PCSK1: variants seen among roughly 807,000 people sequenced by gnomAD.
The protein encoded by PCSK1 is neuroendocrine convertase 1.
Under a neutral mutation model 90.6 loss-of-function variants are expected in PCSK1, and 56 were observed. The ratio of observed to expected loss-of-function variants is 0.62; its 90% CI spans 0.50 to 0.77. The LOEUF (loss-of-function observed/expected upper bound fraction) is 0.77, where lower values mean the gene tolerates loss of function less well. PCSK1 is among the 30% of genes least tolerant of loss of function. PCSK1 has a pLI of 0.00. For missense variants in PCSK1, 801 were observed against 932.6 expected, an observed-to-expected ratio of 0.86 and a Z score of 1.84; for synonymous variants, 348 against 342.4, an observed-to-expected ratio of 1.02 and a Z score of -0.18.
At chr5:96,429,781 G>A (rs960329903) in intron 1 of PCSK1, among the ~76,000 whole-genome samples, 3 of 152,130 alleles carry the variant, frequency 2.0e-5, no homozygotes, top group Admixed American at 1.3e-4. Context: ...CATGAAGAAG[G>A]CACTGATAGA....
intron 6 of PCSK1, among the ~76,000 whole-genome samples, chr5:96,414,064 G>A (rs542602412): frequency 4.5e-4 from 68 of 149,746 alleles, no homozygotes; most frequent in South Asian, 1.7e-3. Flanking sequence ...GCATGAACCC[G>A]GGAGGCGGAG....
chr5:96,423,933 G>T (rs1178090470), intron 3 of PCSK1, among the ~76,000 whole-genome samples: 1 of 152,186 alleles, frequency 6.6e-6, no homozygotes, highest in East Asian at 1.9e-4. Flanking sequence ...GCAGAACCTG[G>T]AATGCTCAGG....
At chr5:96,413,756 C>T (rs1760846687) in intron 6 of PCSK1, among the ~76,000 whole-genome samples, 1 of 142,080 alleles carries the variant, frequency 7.0e-6, no homozygotes. Flanking sequence ...GCTAAGATTG[C>T]AACCACTGCA....
chr5:96,412,702 C>CT (rs1178344646), intron 6 of PCSK1, among the ~76,000 whole-genome samples: 1 of 146,488 alleles, frequency 6.8e-6, no homozygotes, highest in Non-Finnish European at 1.5e-5. Flanking sequence ...TTTTGTCGCA[C>CT]TTTAGAGATA....
Position 96,397,351 on chromosome 5 carries a change from C to G in PCSK1, c.1707G>C (p.Leu569Phe), listed in dbSNP as rs1471131685. The change falls in exon 12 of 14, where the codon TTG becomes TTC. Residue 569 changes from leucine (L) to phenylalanine (F), a missense_variant. Physicochemically the swap from Leu to Phe is conservative, Grantham distance 22. Transcript: ENST00000311106. ...WGENPIGTWT[L>F]RITDMSGRIQ... ...TCACACTTACCATGTCTGTAATTCT[C>G]AAAGTCCAAGTACCTATAGGGTTCT... The G allele has an allele frequency of 2.5e-6, 4 of 1,613,070 alleles. No individual in the cohort carries two copies. The highest frequency in any genetic ancestry group is 3.4e-6 in the Non-Finnish European group (4 of 1,179,208).
chr5:96,395,274 T>A (rs559118773), intron 12 of PCSK1, among the ~76,000 whole-genome samples: 1 of 152,236 alleles, frequency 6.6e-6, no homozygotes, highest in Non-Finnish European at 1.5e-5. Context: ...TAAGTCTTCT[T>A]TTCCATATTG....
intron 3 of PCSK1, among the ~76,000 whole-genome samples, chr5:96,425,055 A>AG (rs1327920200): frequency 7.5e-6 from 1 of 133,936 alleles, no homozygotes; most frequent in African/African-American, 2.7e-5. Context: ...AAAGAAAGAA[A>AG]GAAAGAAAGA....
intron 3 of PCSK1, among the ~76,000 whole-genome samples, chr5:96,424,961 CAAA>C (rs58930420): frequency 1.1e-5 from 1 of 94,708 alleles, no homozygotes; most frequent in Non-Finnish European, 2.1e-5. Flanking sequence ...AAAACTCTGT[CAAA>C]AAAAAAAAGA....
chr5:96,420,472 C>G (rs746398541), intron 5 of PCSK1, among the ~76,000 whole-genome samples: 2 of 152,160 alleles, frequency 1.3e-5, no homozygotes, highest in Non-Finnish European at 2.9e-5. Flanking sequence ...GTTTTCACCT[C>G]TAAGGGATAT....
chr5:96,426,265 G>C (rs1245625046), intron 2 of PCSK1, among the ~76,000 whole-genome samples: 1 of 152,136 alleles, frequency 6.6e-6, no homozygotes, highest in East Asian at 1.9e-4. Flanking sequence ...TTTATATTGA[G>C]GTTTCAGGGC....
intron 9 of PCSK1, among the ~76,000 whole-genome samples, chr5:96,404,456 T>G (rs1401407442): frequency 6.6e-6 from 1 of 152,220 alleles, no homozygotes; most frequent in African/African-American, 2.4e-5. Context: ...AAGGAAAGTA[T>G]TTCTTTGTGC....
intron 6 of PCSK1, chr5:96,412,956 T>A (rs1171746078): frequency 9.9e-7 from 1 of 1,013,648 alleles, no homozygotes; most frequent in African/African-American, 1.8e-5. Context: ...AGCCCTCTGG[T>A]GATGCACCTC....
intron 5 of PCSK1, among the ~76,000 whole-genome samples, chr5:96,417,161 A>G (rs75973935): frequency 0.025 from 3,747 of 152,282 alleles, 152 homozygotes; most frequent in African/African-American, 0.086. Context: ...AATTCAGCAT[A>G]GCATGGAATA....
intron 7 of PCSK1, 37 bp from the exon 8 acceptor site, chr5:96,411,023 A>G (rs1186343594): frequency 1.4e-6 from 2 of 1,423,836 alleles, no homozygotes; most frequent in South Asian, 1.1e-5. Flanking sequence ...ATCTGTTATC[A>G]TCTATTGGGG....
At chr5:96,423,976 T>C (rs150296609) in intron 3 of PCSK1, among the ~76,000 whole-genome samples, 27 of 152,292 alleles carry the variant, frequency 1.8e-4, no homozygotes, top group African/African-American at 6.0e-4. Flanking sequence ...TGCAATGTGA[T>C]TGCCTATTTT....
intron 10 of PCSK1, 59 bp downstream of exon 10, chr5:96,399,893 AC>A: frequency 7.5e-7 from 1 of 1,330,094 alleles, no homozygotes; most frequent in Non-Finnish European, 1.1e-6. Flanking sequence ...AGAATGGCAA[AC>A]ATAGTAATGA....
chr5:96,397,150 C>T (rs1032688829), intron 12 of PCSK1, among the ~76,000 whole-genome samples, 186 bp downstream of exon 12: 3 of 152,158 alleles, frequency 2.0e-5, no homozygotes, highest in African/African-American at 2.4e-5. Context: ...GAAGCCTAAT[C>T]TTTCTTTTTG....
At position 96,421,869 on chromosome 5, in the gene PCSK1, T is replaced by C. The variant is rs746195834; in HGVS notation, c.620+11A>G. 20 of 1,398,046 alleles carry C rather than the reference T, an allele frequency of 1.4e-5. 1 individual carries two copies. In the Admixed American group the frequency reaches 2.7e-4, roughly 19 times the overall value. 86.6% of individuals were successfully genotyped at this position (1,398,046 alleles called of 1,614,324 possible). ...AAGTACTTTATTTCACACAAATGCA[T>C]ATTTACTCACTTGTTCTCGTTTGTG... On this transcript the variant is annotated intron_variant, in intron 5 of 13. Transcript: ENST00000311106.
chr5:96,430,392 A>G (rs1761455158), intron 1 of PCSK1, among the ~76,000 whole-genome samples: 1 of 152,238 alleles, frequency 6.6e-6, no homozygotes, highest in Admixed American at 6.5e-5. Flanking sequence ...CTCATCGCCC[A>G]GAGAATTTTA....
Sources: allele counts gnomAD v4.1 joint callset (sites outside exome capture counted in the v4.1 genomes callset), GRCh38; gene constraint gnomAD v4.1.1; transcripts MANE v1.5; gene names NCBI Gene and HGNC (gene_info 2026-07-23, HGNC 2026-07-21).